MKLN1: variants seen among roughly 807,000 people sequenced by gnomAD.
MKLN1 encodes the protein muskelin.
MKLN1 carries 18 observed loss-of-function variants against 99.0 expected under a neutral mutation model. The observed-to-expected ratio is 0.18, with a 90% CI of 0.13 to 0.27. MKLN1 has a LOEUF of 0.27. Among genes scored for constraint, MKLN1 ranks in the 10% least tolerant of loss-of-function variants. MKLN1 has a pLI of 1.00. For synonymous variants in MKLN1, 288 were observed against 293.2 expected, an observed-to-expected ratio of 0.98 and a Z score of 0.18; for missense variants, 621 against 875.9, an observed-to-expected ratio of 0.71 and a Z score of 3.67.
At chr7:131,361,705 G>A (rs887762654) in intron 1 of MKLN1, among the ~76,000 whole-genome samples, 4 of 150,580 alleles carry the variant, frequency 2.7e-5, no homozygotes, top group Non-Finnish European at 5.9e-5. Flanking sequence ...CCCAACATCT[G>A]ATCTTAAGTG....
chr7:131,130,788 G>T (rs1795538043), intron 1 of MKLN1, among the ~76,000 whole-genome samples: 1 of 152,100 alleles, frequency 6.6e-6, no homozygotes, highest in Non-Finnish European at 1.5e-5. Context: ...GATGGCTCAT[G>T]CCTAAAATCC....
intron 2 of MKLN1, among the ~76,000 whole-genome samples, chr7:131,148,547 G>A (rs1426130384): frequency 2.0e-5 from 3 of 152,150 alleles, no homozygotes; most frequent in African/African-American, 7.2e-5. Flanking sequence ...GGTCAAGGTG[G>A]GAGGATCACT....
Position 131,144,595 on chromosome 7 carries a change from C to T in MKLN1, c.-297+1654C>T, listed in dbSNP as rs139763907. Among the ~76,000 whole-genome samples, 678 of 152,274 alleles carry T rather than the reference C, an allele frequency of 4.5e-3. 9 individuals are homozygous for T. The highest frequency in any genetic ancestry group is 0.016 in the African/African-American group (658 of 41,554). ...CTCCTGGCCTCAAGCAATCCTCCTG[C>T]CTCAACCTCCCAAAGCGCTGGGGTT... On this transcript the variant is annotated intron_variant, in intron 2 of 7. Coordinates refer to the MKLN1 transcript ENST00000416992.
intron 3 of MKLN1, among the ~76,000 whole-genome samples, chr7:131,315,891 C>T (rs1230382748): frequency 6.6e-6 from 1 of 152,144 alleles, no homozygotes; most frequent in East Asian, 1.9e-4. Context: ...AGGTAACAGC[C>T]CCAGTCAGGG....
At chr7:131,466,179 T>C (rs1229894612) in intron 14 of MKLN1, 97 bp from the exon 15 acceptor site, 4 of 816,668 alleles carry the variant, frequency 4.9e-6, no homozygotes, top group Non-Finnish European at 7.0e-6. Flanking sequence ...TTTTTTTATT[T>C]GAATGGGCTC....
At chr7:131,217,416 G>T (rs1796998952) in intron 3 of MKLN1, among the ~76,000 whole-genome samples, 1 of 152,254 alleles carries the variant, frequency 6.6e-6, no homozygotes, top group South Asian at 2.1e-4. Context: ...TGATGGGATA[G>T]CTTGGGCACA....
At chr7:131,440,218 A>G (rs1795798856) in intron 10 of MKLN1, among the ~76,000 whole-genome samples, 1 of 152,184 alleles carries the variant, frequency 6.6e-6, no homozygotes, top group South Asian at 2.1e-4. Context: ...TGTAAAAGTG[A>G]AGGAAACACA....
At chr7:131,459,730 G>A (rs865890854) in intron 12 of MKLN1, among the ~76,000 whole-genome samples, 1 of 151,256 alleles carries the variant, frequency 6.6e-6, no homozygotes, top group Non-Finnish European at 1.5e-5. Flanking sequence ...ATATCTACAT[G>A]CCATCTTTTT....
chr7:131,299,784 C>T (rs557520902), intron 3 of MKLN1, among the ~76,000 whole-genome samples: 39 of 152,258 alleles, frequency 2.6e-4, no homozygotes, highest in African/African-American at 8.4e-4. Context: ...ATGTTAACGT[C>T]GCACATAGGA....
At chr7:131,250,106 A>G (rs1797554364) in intron 3 of MKLN1, among the ~76,000 whole-genome samples, 1 of 152,188 alleles carries the variant, frequency 6.6e-6, no homozygotes, top group African/African-American at 2.4e-5. Flanking sequence ...ACCACGGGGA[A>G]GCAGAAAAAG....
intron 3 of MKLN1, among the ~76,000 whole-genome samples, chr7:131,220,763 C>T (rs770865003): frequency 5.3e-5 from 8 of 152,086 alleles, no homozygotes; most frequent in Non-Finnish European, 8.8e-5. Flanking sequence ...AAACAAAAGC[C>T]TTATGATTGA....
intron 3 of MKLN1, among the ~76,000 whole-genome samples, chr7:131,268,779 A>T (rs1448795290): frequency 6.6e-6 from 1 of 152,232 alleles, no homozygotes; most frequent in African/African-American, 2.4e-5. Flanking sequence ...ATGGAAAAAC[A>T]GAGAGCTCCT....
intron 4 of MKLN1, among the ~76,000 whole-genome samples, chr7:131,393,633 TTTG>T (rs1794270748): frequency 6.6e-6 from 1 of 152,100 alleles, no homozygotes; most frequent in African/African-American, 2.4e-5. Flanking sequence ...TTTGTTTTGT[TTTG>T]TTTTTTAAGA....
At chr7:131,348,156 C>T (rs1799617017) in intron 1 of MKLN1, among the ~76,000 whole-genome samples, 1 of 152,146 alleles carries the variant, frequency 6.6e-6, no homozygotes, top group Non-Finnish European at 1.5e-5. Context: ...AAGTTGTATT[C>T]TGTGCTACAG....
chr7:131,192,445 CAATATATA>C (rs1288254990), intron 2 of MKLN1, among the ~76,000 whole-genome samples: 1 of 105,680 alleles, frequency 9.5e-6, no homozygotes, highest in Non-Finnish European at 1.9e-5. Flanking sequence ...AAAATATATA[CAATATATA>C]AATATATAAA....
At position 131,294,101 on chromosome 7, in the gene MKLN1, A is replaced by G. The variant is rs551227621; in HGVS notation, c.-178-81323A>G. Reference sequence around the variant, plus strand: ...GGACTAGAGAAACGGAATCAAATGCAATGTATGGACCTTGTTAATATCTTG... The same window carrying G: ...GGACTAGAGAAACGGAATCAAATGCGATGTATGGACCTTGTTAATATCTTG... On this transcript the variant is annotated intron_variant, in intron 3 of 7. Transcript: ENST00000416992. Among the ~76,000 whole-genome samples the G allele has an allele frequency of 2.6e-5, 4 of 152,264 alleles. No homozygotes were observed. In the South Asian group the frequency reaches 6.2e-4, roughly 24 times the overall value.
intron 2 of MKLN1, among the ~76,000 whole-genome samples, chr7:131,380,798 G>T (rs1793822903): frequency 6.6e-6 from 1 of 152,144 alleles, no homozygotes; most frequent in Non-Finnish European, 1.5e-5. Flanking sequence ...TAATTGCAAG[G>T]ATTAGGATAC....
Position 131,286,957 on chromosome 7 carries a change from G to T in MKLN1, c.-179+83983G>T, listed in dbSNP as rs373346778. Among the ~76,000 whole-genome samples, 9 of 152,292 alleles carry T rather than the reference G, an allele frequency of 5.9e-5. No homozygotes were observed. The South Asian group carries it at 1.9e-3, about 32-fold the overall frequency. The stretch of plus-strand genomic sequence containing the variant: ...CCCATATATACTTTTAAAAAAATTA[G>T]CTGGAAGTAGTGGTGCACACCTGTG... On this transcript the variant is annotated intron_variant, in intron 3 of 7. Transcript: ENST00000416992.
chr7:131,229,554 G>T (rs1797210854), intron 3 of MKLN1, among the ~76,000 whole-genome samples: 2 of 151,790 alleles, frequency 1.3e-5, no homozygotes, highest in Admixed American at 1.3e-4. Context: ...GTGTGTTGTT[G>T]TTGTTGTTGT....
Sources: allele counts gnomAD v4.1 joint callset (sites outside exome capture counted in the v4.1 genomes callset), GRCh38; gene constraint gnomAD v4.1.1; transcripts MANE v1.5; gene names NCBI Gene and HGNC (gene_info 2026-07-23, HGNC 2026-07-21).